The following ZNF385D variants were observed in gnomAD, a reference collection of about 807,000 sequenced individuals.
ZNF385D encodes the protein zinc finger protein 659.
In ZNF385D, 15 loss-of-function variants were observed where a neutral mutation model predicts 35.8. The observed-to-expected ratio is 0.42, with a 90% confidence interval of 0.28 to 0.64. The LOEUF (loss-of-function observed/expected upper bound fraction) is 0.64. Ranked by LOEUF, ZNF385D falls within the 30% of genes least tolerant of loss-of-function variation. The pLI is 0.23. For synonymous variants in ZNF385D, 212 were observed against 186.8 expected (o/e 1.13, Z -1.10); for missense variants, 474 against 494.6 (o/e 0.96, Z 0.39).
At chr3:21,422,943 C>T (rs1210701829) in intron 7 of ZNF385D, among the ~76,000 whole-genome samples, 2 of 152,174 alleles carry the variant, frequency 1.3e-5, no homozygotes, top group Non-Finnish European at 2.9e-5. Flanking sequence ...AAGGTGTCCT[C>T]TCTCACCACT....
At chr3:21,820,448 G>A (rs1247557125) in intron 3 of ZNF385D, among the ~76,000 whole-genome samples, 2 of 151,514 alleles carry the variant, frequency 1.3e-5, no homozygotes, top group African/African-American at 2.4e-5. Flanking sequence ...TAGTTAAGGG[G>A]TACAACAAAA....
chr3:21,556,617 T>G (rs941073789), intron 3 of ZNF385D, among the ~76,000 whole-genome samples: 2 of 152,212 alleles, frequency 1.3e-5, no homozygotes, highest in Non-Finnish European at 1.5e-5. Flanking sequence ...GCTGTTTTGG[T>G]TACTGTATCC....
intron 1 of ZNF385D, among the ~76,000 whole-genome samples, chr3:21,700,015 A>G (rs2067620856): frequency 6.6e-6 from 1 of 151,760 alleles, no homozygotes; most frequent in South Asian, 2.1e-4. Flanking sequence ...TATTTTTAGT[A>G]GAGACAGGGT....
At chr3:22,344,807 T>C (rs1264943979) in intron 2 of ZNF385D, among the ~76,000 whole-genome samples, 1 of 152,204 alleles carries the variant, frequency 6.6e-6, no homozygotes, top group Non-Finnish European at 1.5e-5. Context: ...AATAAGTAAA[T>C]GCTGGTTCTA....
At position 22,077,061 on chromosome 3, in the gene ZNF385D, C is replaced by A. The variant is rs192689347; in HGVS notation, c.325+91756G>T. Reference sequence around the variant, plus strand: ...AGTTATTTTCAGAAATAGCACAAGACCTTAATACCCATAATAACCATATTT... The same window carrying A: ...AGTTATTTTCAGAAATAGCACAAGAACTTAATACCCATAATAACCATATTT... On this transcript the variant is annotated intron_variant, in intron 3 of 5. Transcript: ENST00000494108. Among the ~76,000 whole-genome samples, 686 of 151,834 alleles carry A rather than the reference C, an allele frequency of 4.5e-3. 5 individuals are homozygous for A. Among genetic ancestry groups the A allele is most frequent in the Non-Finnish European group, 8.1e-3 (550 of 67,820 alleles).
At chr3:22,274,118 G>T (rs77167999) in intron 2 of ZNF385D, among the ~76,000 whole-genome samples, 20,110 of 151,544 alleles carry the variant, frequency 0.13, 2,722 homozygotes, top group African/African-American at 0.35. Flanking sequence ...TCCTGGAAGG[G>T]GCACATCTAA....
chr3:22,260,549 G>C (rs1294306334), intron 2 of ZNF385D, among the ~76,000 whole-genome samples: 2 of 151,710 alleles, frequency 1.3e-5, no homozygotes, highest in South Asian at 2.1e-4. Context: ...ATTTTGATAG[G>C]TTGTAAATCA....
chr3:21,693,063 A>T (rs1481350926), intron 1 of ZNF385D, among the ~76,000 whole-genome samples: 1 of 152,190 alleles, frequency 6.6e-6, no homozygotes, highest in Non-Finnish European at 1.5e-5. Context: ...TCACACAGAC[A>T]ACTTTGTACC....
At chr3:21,737,351 C>A (rs1412540812) in intron 1 of ZNF385D, among the ~76,000 whole-genome samples, 2 of 151,944 alleles carry the variant, frequency 1.3e-5, no homozygotes, top group East Asian at 3.8e-4. Context: ...TCATTAGATA[C>A]CATGTAGCCA....
At chr3:22,068,465 C>T (rs1342097045) in intron 3 of ZNF385D, among the ~76,000 whole-genome samples, 1 of 152,226 alleles carries the variant, frequency 6.6e-6, no homozygotes, top group Non-Finnish European at 1.5e-5. Flanking sequence ...TGTCTACTCC[C>T]CCACACCCCA....
chr3:22,031,922 T>C (rs551285516), intron 3 of ZNF385D, among the ~76,000 whole-genome samples: 2 of 152,320 alleles, frequency 1.3e-5, no homozygotes, highest in African/African-American at 4.8e-5. Flanking sequence ...CTTGAATGCT[T>C]TGCTGCTTAG....
chr3:22,332,295 T>G (rs1028906877), intron 2 of ZNF385D, among the ~76,000 whole-genome samples: 1 of 152,156 alleles, frequency 6.6e-6, no homozygotes, highest in African/African-American at 2.4e-5. Flanking sequence ...GTAAATCTAG[T>G]GAGTCAGTTT....
intron 3 of ZNF385D, among the ~76,000 whole-genome samples, chr3:21,945,424 T>A (rs754874751): frequency 1.8e-4 from 27 of 152,164 alleles, no homozygotes; most frequent in Non-Finnish European, 3.4e-4. Flanking sequence ...AGAGCAAACA[T>A]TTTAAGCCTG....
At chr3:21,845,279 G>C (rs1206814604) in intron 3 of ZNF385D, among the ~76,000 whole-genome samples, 1 of 151,850 alleles carries the variant, frequency 6.6e-6, no homozygotes, top group African/African-American at 2.4e-5. Flanking sequence ...TTTGCCTGGA[G>C]GAAACTGCAT....
intron 3 of ZNF385D, among the ~76,000 whole-genome samples, chr3:22,074,314 C>G (rs1700365871): frequency 6.6e-6 from 1 of 151,914 alleles, no homozygotes; most frequent in Non-Finnish European, 1.5e-5. Context: ...ACATAGTTAC[C>G]ATAAACAGCC....
chr3:22,145,412 A>T (rs980412133), intron 3 of ZNF385D, among the ~76,000 whole-genome samples: 2 of 152,236 alleles, frequency 1.3e-5, no homozygotes, highest in African/African-American at 4.8e-5. Context: ...TCTTTGAAGA[A>T]GTCTCCTCTC....
intron 2 of ZNF385D, among the ~76,000 whole-genome samples, chr3:22,334,951 A>T (rs115083924): frequency 5.1e-4 from 78 of 152,150 alleles, no homozygotes; most frequent in African/African-American, 1.7e-3. Context: ...CAATTTTTTC[A>T]TAATGAGAAT....
At chr3:21,794,562 G>T (rs2072067953) in intron 3 of ZNF385D, among the ~76,000 whole-genome samples, 1 of 152,120 alleles carries the variant, frequency 6.6e-6, no homozygotes, top group Admixed American at 6.5e-5. Flanking sequence ...TGCGGTGGGG[G>T]CTTGTTTCCT....
Position 22,212,193 on chromosome 3 carries a change from G to T in ZNF385D, c.107-43158C>A, listed in dbSNP as rs190317911. ...AGTGCAAAGGACTGAGGAAGAGGGA[G>T]AAAAGACAGGTGGAAGAAGGAGGTG... On this transcript the variant is annotated intron_variant, in intron 2 of 5. Transcript: ENST00000494108. 8.5e-5 allele frequency among the ~76,000 whole-genome samples: 13 copies of T among 152,090 alleles called. No homozygotes were observed. The East Asian group carries it at 2.5e-3, about 30-fold the overall frequency.
Sources: allele counts gnomAD v4.1 joint callset (sites outside exome capture counted in the v4.1 genomes callset), GRCh38; gene constraint gnomAD v4.1.1; transcripts MANE v1.5; gene names NCBI Gene and HGNC (gene_info 2026-07-23, HGNC 2026-07-21).